Variants in DCTN2 observed in about 807,000 individuals in gnomAD.
DCTN2 encodes dynactin subunit 2, also known as 50 kDa dynein-associated polypeptide.
Under a neutral mutation model 55.4 loss-of-function variants are expected in DCTN2, and 18 were observed. The observed-to-expected ratio is 0.32, with a 90% CI of 0.22 to 0.48. The LOEUF is 0.48. Ranked by LOEUF, DCTN2 falls within the 20% of genes least tolerant of loss-of-function variation. The pLI is 0.99. For synonymous variants in DCTN2, 168 were observed against 185.2 expected (o/e 0.91, Z 0.76); for missense variants, 390 against 491.0 (o/e 0.79, Z 1.94).
At chr12:57,531,809 A>G (rs895616272) in intron 13 of DCTN2, among the ~76,000 whole-genome samples, 1 of 152,224 alleles carries the variant, frequency 6.6e-6, no homozygotes, top group African/African-American at 2.4e-5. Context: ...TGAGGGAGGT[A>G]TAATTTCCCA....
In DCTN2 at chr12:57,546,093, T is replaced by C. The variant is rs778165740; in HGVS notation, c.40A>G (p.Arg14Gly). Residue 14 changes from arginine (R) to glycine (G), a missense_variant, in exon 2 of 14, where the codon AGG (arginine) becomes GGG (glycine). Physicochemically the swap from Arg to Gly is moderately radical, Grantham distance 125. Coordinates refer to ENST00000548249, the MANE Select transcript of DCTN2 (RefSeq NM_001261413.2). ...PKYADLPGIARNEPDVYETSD... is the reference protein window; with the variant it reads ...PKYADLPGIAGNEPDVYETSD... Reference sequence around the variant, plus strand: ...GTTTCATAAACATCTGGCTCATTCCTGGCCTGCAGGTAGAAGCAGTGACCA... The same window carrying C: ...GTTTCATAAACATCTGGCTCATTCCCGGCCTGCAGGTAGAAGCAGTGACCA... The C allele has an allele frequency of 1.2e-6, 2 of 1,613,990 alleles. No individual in the cohort carries two copies. Among genetic ancestry groups the C allele is most frequent in the South Asian group, 2.2e-5 (2 of 91,080 alleles).
rs916566242 is a variant in DCTN2 at position 57,535,549 on chromosome 12, C to A, written c.203-4G>T. 1 of 1,613,836 alleles carries A rather than the reference C, an allele frequency of 6.2e-7. No homozygotes were observed. Among genetic ancestry groups the A allele is most frequent in the African/African-American group, 1.3e-5 (1 of 74,896 alleles). On this transcript the variant is annotated splice_polypyrimidine_tract_variant and splice_region_variant and intron_variant, in intron 3 of 13. Coordinates refer to ENST00000548249, the MANE Select transcript of DCTN2 (RefSeq NM_001261413.2). The stretch of plus-strand genomic sequence containing the variant: ...TTTCCAATACGATCTGAGAAATCTG[C>A]CAAGAAAAGAAGATGGAACTGAGGG...
chr12:57,536,965 C>A (rs1880282733), intron 2 of DCTN2, among the ~76,000 whole-genome samples: 1 of 151,834 alleles, frequency 6.6e-6, no homozygotes, highest in Non-Finnish European at 1.5e-5. Context: ...TCACCCCAGG[C>A]TGCATGTTAG....
At chr12:57,546,965 G>GTTGGGGGTC in intron 1 of DCTN2, 63 bp downstream of exon 1, 2 of 1,229,506 alleles carry the variant, frequency 1.6e-6, no homozygotes, top group South Asian at 3.8e-5. Context: ...GCTGGTTTCT[G>GTTGGGGGTC]CTGGGGGTCC....
chr12:57,543,953 C>T, intron 2 of DCTN2: 1 of 526,234 alleles, frequency 1.9e-6, no homozygotes, highest in South Asian at 1.5e-5. Flanking sequence ...TTCTTCCACA[C>T]CTGGAATGGG....
At chr12:57,540,416 G>A (rs1475486879) in intron 2 of DCTN2, among the ~76,000 whole-genome samples, 1 of 152,210 alleles carries the variant, frequency 6.6e-6, no homozygotes, top group Non-Finnish European at 1.5e-5. Flanking sequence ...TGAGATTTTA[G>A]GCATGATTCC....
At chr12:57,538,139 G>A (rs1880395617) in intron 2 of DCTN2, 1 of 350,952 alleles carries the variant, frequency 2.8e-6, no homozygotes, top group Non-Finnish European at 5.5e-6. Flanking sequence ...GGAAAGCGGG[G>A]AGTAGAAGAG....
intron 13 of DCTN2, among the ~76,000 whole-genome samples, chr12:57,531,376 G>A (rs1294672695): frequency 6.6e-6 from 1 of 152,046 alleles, no homozygotes; most frequent in Non-Finnish European, 1.5e-5. Context: ...AAAAAATTAG[G>A]TGTGGTGGTG....
intron 2 of DCTN2, among the ~76,000 whole-genome samples, chr12:57,545,607 G>A (rs1881086178): frequency 1.3e-5 from 2 of 152,130 alleles, no homozygotes; most frequent in Admixed American, 6.5e-5. Flanking sequence ...CTTGCCCAAT[G>A]GATACTGGAT....
At chr12:57,542,732 T>G in intron 2 of DCTN2, 1 of 447,626 alleles carries the variant, frequency 2.2e-6, no homozygotes. Context: ...GGCAGGAGAA[T>G]CGCTTGAACC....
In DCTN2 at chr12:57,532,830, C is replaced by T; in HGVS notation, c.775-20G>A. 6.2e-7 allele frequency: 1 copy of T among 1,613,882 alleles called. No homozygotes were observed. Among genetic ancestry groups the T allele is most frequent in the Non-Finnish European group, 8.5e-7 (1 of 1,179,828 alleles). ...AGTCTCCTGGGGATGGAAGTTGGGA[C>T]AAGCATCATGAAGAGGAAAGGCAGA... On this transcript the variant is annotated intron_variant, in intron 9 of 13. Coordinates refer to ENST00000548249, the MANE Select transcript of DCTN2 (RefSeq NM_001261413.2).
intron 2 of DCTN2, chr12:57,538,258 G>A (rs1434573381): frequency 7.0e-6 from 4 of 575,318 alleles, no homozygotes; most frequent in Admixed American, 4.6e-5. Flanking sequence ...GCTACCTGGC[G>A]CTGGCATCCT....
intron 2 of DCTN2, among the ~76,000 whole-genome samples, chr12:57,542,435 A>G (rs540433409): frequency 6.6e-6 from 1 of 152,342 alleles, no homozygotes; most frequent in Non-Finnish European, 1.5e-5. Flanking sequence ...TTCCTTTAGT[A>G]GCCCAATTTC....
At chr12:57,534,954 G>A in intron 5 of DCTN2, 102 bp downstream of exon 5, 1 of 1,016,294 alleles carries the variant, frequency 9.8e-7, no homozygotes, top group Non-Finnish European at 1.5e-6. Flanking sequence ...ATAGGCGTGA[G>A]CCACCGCACC....
chr12:57,535,208 A>G, intron 4 of DCTN2, 54 bp from the exon 5 acceptor site: 2 of 1,440,828 alleles, frequency 1.4e-6, no homozygotes, highest in Non-Finnish European at 1.9e-6. Context: ...GGGAGCCTCA[A>G]GAATTCATCC....
chr12:57,533,824 G>T (rs1879974786), intron 7 of DCTN2, 129 bp downstream of exon 7: 3 of 933,444 alleles, frequency 3.2e-6, no homozygotes, highest in Non-Finnish European at 4.7e-6. Flanking sequence ...GGAATCAAAA[G>T]AGGAATCAAT....
chr12:57,533,915 C>T (rs768035511), intron 7 of DCTN2, 38 bp downstream of exon 7: 1 of 1,558,880 alleles, frequency 6.4e-7, no homozygotes. Flanking sequence ...GGTCACATCT[C>T]CCCTTGGCTT....
chr12:57,537,178 A>T (rs888484719), intron 2 of DCTN2, among the ~76,000 whole-genome samples: 5 of 151,134 alleles, frequency 3.3e-5, no homozygotes, highest in Non-Finnish European at 7.4e-5. Context: ...TCTACAAAAA[A>T]TATAAAATAG....
rs1185840641 is a variant in DCTN2 at position 57,530,683 on chromosome 12, A to AC, written c.*5_*6insG. The AC allele has an allele frequency of 7.4e-6, 12 of 1,612,886 alleles. No individual in the cohort carries two copies. Among genetic ancestry groups the AC allele is most frequent in the Admixed American group, 1.7e-5 (1 of 59,996 alleles). On this transcript the variant is annotated 3_prime_UTR_variant, in exon 14 of 14. Coordinates refer to ENST00000548249, the MANE Select transcript of DCTN2 (RefSeq NM_001261413.2). ...ATAACCCCTGTTCTCCAGCTCCCAA[A>AC]TGTGCTCACTTTCCCAGCTTCTTCA...
Sources: gnomAD v4.1 joint callset for allele counts (sites outside exome capture counted in the v4.1 genomes callset) on GRCh38, gnomAD v4.1.1 for gene constraint, MANE v1.5 for transcripts, NCBI Gene and HGNC (gene_info 2026-07-23, HGNC 2026-07-21) for gene names.